Variants in GRIPAP1 observed in about 807,000 individuals in gnomAD.
GRIPAP1 encodes the protein GRIP1 associated protein 1.
Under a neutral mutation model 84.1 loss-of-function variants are expected in GRIPAP1, and 14 were observed. That is an observed-to-expected ratio of 0.17 (90% CI 0.11 to 0.26). The LOEUF is 0.26. GRIPAP1 is among the 10% of genes least tolerant of loss of function. GRIPAP1 has a pLI of 1.00. For missense variants in GRIPAP1, 518 were observed against 674.2 expected, an observed-to-expected ratio of 0.77 and a Z score of 2.57; for synonymous variants, 261 against 256.8, an observed-to-expected ratio of 1.02 and a Z score of -0.15.
At position 48,999,463 on chromosome X, in the gene GRIPAP1, T is replaced by C. The variant is rs1557067783; in HGVS notation, c.84A>G (p.Ser28=). Residue 28 remains serine (S), a synonymous_variant, in exon 2 of 26, where the codon TCA becomes TCG. Transcript: ENST00000376423. ...CAACACCATTCTTGCGTAGTTCATC[T>C]GAAAGCTGGTAGTTGTTTGTCCGGA... The part of the protein sequence containing the change: ...LELRTNNYQL[S]DELRKNGVEL... The C allele has an allele frequency of 1.7e-6, 2 of 1,205,915 alleles. No individual in the cohort carries two copies. The highest frequency in any genetic ancestry group is 5.9e-5 in the East Asian group (2 of 33,809).
Position 48,983,297 on chromosome X carries a change from C to T in GRIPAP1, c.1416G>A (p.Glu472=), listed in dbSNP as rs148168171. ...TCTTGTCTTCATGCAGCTCTCGGAG[C>T]TCACGCTCATAGCGGGCACGCACCC... ...VLGVRARYER[E]LRELHEDKKR... The change falls in exon 16 of 26, where the codon GAG becomes GAA. Residue 472 remains glutamate, a synonymous_variant. Coordinates refer to ENST00000376423, the MANE Select transcript of GRIPAP1 (RefSeq NM_020137.5). 40 of 1,211,328 alleles carry T rather than the reference C, an allele frequency of 3.3e-5. No homozygotes were observed. The highest frequency in any genetic ancestry group is 4.1e-5 in the Non-Finnish European group (37 of 895,373).
At chrX:48,985,214 A>G in intron 14 of GRIPAP1, 54 bp downstream of exon 14, 10 of 1,124,441 alleles carry the variant, frequency 8.9e-6, no homozygotes, top group Admixed American at 2.2e-5. Context: ...TGGGGACTTC[A>G]CTGGGCCATT....
chrX:48,987,986 C>G (rs1337189942), intron 12 of GRIPAP1, 109 bp from the exon 13 acceptor site: 2 of 559,804 alleles, frequency 3.6e-6, no homozygotes, highest in African/African-American at 4.7e-5. Context: ...CACACACACA[C>G]ACACACACAC....
intron 21 of GRIPAP1, among the ~76,000 whole-genome samples, chrX:48,979,361 C>A (rs1344459756): frequency 2.0e-5 from 2 of 102,325 alleles, no homozygotes; most frequent in African/African-American, 7.1e-5. Context: ...CCTGTAGTCC[C>A]AGCTACTTGG....
At chrX:48,975,777 G>A in intron 24 of GRIPAP1, 1 of 406,990 alleles carries the variant, frequency 2.5e-6, no homozygotes, top group Non-Finnish European at 4.3e-6. Context: ...GAGAGGAAAG[G>A]AGAAAGTGGA....
At chrX:48,980,296 T>C (rs1164146600) in intron 21 of GRIPAP1, among the ~76,000 whole-genome samples, 1 of 105,357 alleles carries the variant, frequency 9.5e-6, no homozygotes. Context: ...AAATAACAGA[T>C]TGGATTAGCT....
Position 48,989,729 on chromosome X carries a change from G to T in GRIPAP1, c.771-19C>A. 1 of 1,127,558 alleles carries T rather than the reference G, an allele frequency of 8.9e-7. No homozygotes were observed. The highest frequency in any genetic ancestry group is 1.2e-6 in the Non-Finnish European group (1 of 818,644). The allele number at this position is 1,127,558 out of a possible 1,213,427, so 92.9% of individuals were successfully genotyped here. A position where few individuals can be genotyped will look rare whatever the true frequency, so the allele number is the denominator to read the frequency against. On this transcript the variant is annotated intron_variant, in intron 10 of 25. Coordinates refer to ENST00000376423, the MANE Select transcript of GRIPAP1 (RefSeq NM_020137.5). Reference sequence around the variant, plus strand: ...CTTGTTCCTAGGAGTGATGGGGAGGGGGTGTGTTGGACATGGCTTGAGGCC... The same window carrying T: ...CTTGTTCCTAGGAGTGATGGGGAGGTGGTGTGTTGGACATGGCTTGAGGCC...
intron 13 of GRIPAP1, among the ~76,000 whole-genome samples, chrX:48,986,845 C>T (rs952626061): frequency 2.1e-5 from 2 of 96,724 alleles, no homozygotes; most frequent in Non-Finnish European, 4.2e-5. Flanking sequence ...AGTTTTTTTT[C>T]GTTTTGTTTT....
At chrX:48,989,481 G>C (rs962080147) in intron 11 of GRIPAP1, 130 bp downstream of exon 11, 4 of 455,140 alleles carry the variant, frequency 8.8e-6, no homozygotes, top group Non-Finnish European at 1.1e-5. Context: ...CTAGCTCCTG[G>C]GGGGCCCCAG....
At chrX:48,998,110 C>CAAGA in intron 4 of GRIPAP1, 44 bp downstream of exon 4, 1 of 1,051,406 alleles carries the variant, frequency 9.5e-7, no homozygotes. Context: ...AATAGCCCAC[C>CAAGA]AAGACATCTC....
intron 22 of GRIPAP1, 37 bp downstream of exon 22, chrX:48,978,268 G>T (rs1337942922): frequency 8.3e-7 from 1 of 1,202,303 alleles, no homozygotes; most frequent in Middle Eastern, 2.3e-4. Flanking sequence ...TTTGGGTTGA[G>T]AGAAGCTGGA....
intron 8 of GRIPAP1, 36 bp from the exon 9 acceptor site, chrX:48,990,039 G>A (rs199888238): frequency 1.5e-5 from 16 of 1,067,071 alleles, no homozygotes; most frequent in Middle Eastern, 2.9e-4. Flanking sequence ...ATAACATTGA[G>A]AATAATATAA....
chrX:48,980,381 G>A (rs2064449091), intron 21 of GRIPAP1, among the ~76,000 whole-genome samples: 1 of 109,829 alleles, frequency 9.1e-6, no homozygotes, highest in Admixed American at 9.8e-5. Context: ...GCTTCTAGAG[G>A]GCAGAGACTC....
chrX:48,974,084 C>T lies in GRIPAP1; in HGVS notation c.*109G>A. ...GCCTCTAGCCCCTTTAATGTCCAGT[C>T]TCCCAAGCTATTTGATTTTGGCTCC... On this transcript the variant is annotated 3_prime_UTR_variant, in exon 26 of 26. Transcript: ENST00000376423. 1 of 502,671 alleles carries T rather than the reference C, an allele frequency of 2.0e-6. No individual in the cohort carries two copies. The highest frequency in any genetic ancestry group is 3.0e-5 in the South Asian group (1 of 33,489). The allele number at this position is 502,671 out of a possible 1,213,427, so 41.4% of individuals were successfully genotyped here.
At chrX:48,974,818 G>A (rs1381857166) in intron 25 of GRIPAP1, among the ~76,000 whole-genome samples, 1 of 111,710 alleles carries the variant, frequency 9.0e-6, no homozygotes, top group Non-Finnish European at 1.9e-5. Context: ...TTGATGAGTA[G>A]ATAAGAGAAT....
intron 1 of GRIPAP1, among the ~76,000 whole-genome samples, chrX:49,001,178 A>C (rs2064577245): frequency 9.0e-6 from 1 of 111,108 alleles, no homozygotes; most frequent in African/African-American, 3.3e-5. Flanking sequence ...GATGACTCTT[A>C]CTCACTTAGA....
chrX:48,999,179 G>A, intron 3 of GRIPAP1, 59 bp downstream of exon 3: 1 of 885,467 alleles, frequency 1.1e-6, no homozygotes, highest in Non-Finnish European at 1.7e-6. Context: ...GGATGAATGA[G>A]TCAGATAGGT....
chrX:48,999,736 A>G (rs1419162278), intron 1 of GRIPAP1, among the ~76,000 whole-genome samples: 9 of 110,043 alleles, frequency 8.2e-5, no homozygotes, highest in African/African-American at 3.0e-4. Context: ...TCCATCTCAC[A>G]CTACAATCCA....
intron 24 of GRIPAP1, 94 bp from the exon 25 acceptor site, chrX:48,975,403 G>A (rs978955114): frequency 4.5e-6 from 4 of 894,752 alleles, no homozygotes; most frequent in South Asian, 2.5e-5. Context: ...AATACCAGGG[G>A]AGAAGGCAGC....
Sources: allele counts gnomAD v4.1 joint callset (sites outside exome capture counted in the v4.1 genomes callset), GRCh38; gene constraint gnomAD v4.1.1; transcripts MANE v1.5; gene names NCBI Gene and HGNC (gene_info 2026-07-23, HGNC 2026-07-21).